PLEKHF2: variants seen among roughly 807,000 people sequenced by gnomAD.
PLEKHF2 encodes pleckstrin homology and FYVE domain containing 2.
A neutral mutation model predicts 14.7 loss-of-function variants in PLEKHF2; 4 were observed. The ratio of observed to expected loss-of-function variants is 0.27; its 90% confidence interval spans 0.13 to 0.62. The LOEUF (loss-of-function observed/expected upper bound fraction) is 0.62, where lower values mean the gene tolerates loss of function less well. Ranked by LOEUF, PLEKHF2 falls within the 20% of genes least tolerant of loss-of-function variation. PLEKHF2 has a pLI of 0.85. For synonymous variants in PLEKHF2, 90 were observed against 103.5 expected (o/e 0.87, Z 0.79); for missense variants, 201 against 307.7 (o/e 0.65, Z 2.60).
At chr8:95,134,792 T>A (rs187065623) in intron 1 of PLEKHF2, among the ~76,000 whole-genome samples, 1 of 152,292 alleles carries the variant, frequency 6.6e-6, no homozygotes, top group East Asian at 1.9e-4. Context: ...CGGTAATTCA[T>A]AGACTCACAA....
rs1459722161 is a variant in PLEKHF2 at position 95,156,243 on chromosome 8, C to G, written c.*1449C>G. 1 of 167,004 alleles carries G rather than the reference C, an allele frequency of 6.0e-6. No individual in the cohort carries two copies. Among genetic ancestry groups the G allele is most frequent in the Non-Finnish European group, 1.5e-5 (1 of 68,092 alleles). The allele number at this position is 167,004 out of a possible 1,614,324, so 10.3% of individuals were successfully genotyped here. A position where few individuals can be genotyped will look rare whatever the true frequency, so the allele number is the denominator to read the frequency against. ...TTAAATTCTAAATTTAAAAAATCTT[C>G]AAATCTGAATATACCGCAAATGTCA... On this transcript the variant is annotated 3_prime_UTR_variant, in exon 2 of 2. Transcript: ENST00000315367.
intron 1 of PLEKHF2, among the ~76,000 whole-genome samples, chr8:95,141,765 C>T (rs1587305151): frequency 2.7e-5 from 4 of 150,844 alleles, no homozygotes; most frequent in African/African-American, 9.7e-5. Context: ...GTATCGAACT[C>T]CTGACCTCAA....
At chr8:95,144,834 A>C (rs1424140028) in intron 1 of PLEKHF2, among the ~76,000 whole-genome samples, 2 of 149,270 alleles carry the variant, frequency 1.3e-5, no homozygotes, top group Non-Finnish European at 3.0e-5. Context: ...ATTGCACTTC[A>C]GCCTAGGTGA....
chr8:95,139,752 A>G (rs1810420407), intron 1 of PLEKHF2, among the ~76,000 whole-genome samples: 1 of 151,010 alleles, frequency 6.6e-6, no homozygotes, highest in African/African-American at 2.4e-5. Context: ...TCCAGGTTAA[A>G]TTTTTGTGGG....
intron 1 of PLEKHF2, among the ~76,000 whole-genome samples, chr8:95,136,122 T>C (rs1810373596): frequency 1.3e-5 from 2 of 152,222 alleles, no homozygotes; most frequent in South Asian, 4.1e-4. Flanking sequence ...CTGATTTGCC[T>C]CTTCATTCCC....
At chr8:95,139,114 T>C (rs1334293439) in intron 1 of PLEKHF2, among the ~76,000 whole-genome samples, 2 of 152,236 alleles carry the variant, frequency 1.3e-5, no homozygotes, top group Non-Finnish European at 2.9e-5. Context: ...TTAAATTTAC[T>C]GGTCATTTTC....
chr8:95,141,469 T>C lies in PLEKHF2; in HGVS notation c.-15+7439T>C, dbSNP rs184348123. On this transcript the variant is annotated intron_variant, in intron 1 of 1. Coordinates refer to ENST00000315367, the MANE Select transcript of PLEKHF2 (RefSeq NM_024613.4). Reference sequence around the variant, plus strand: ...TATTAACAAGATTTTGTGTTATTTTTCCCCCCTTTTCCCACTAAATAACTC... The same window carrying C: ...TATTAACAAGATTTTGTGTTATTTTCCCCCCCTTTTCCCACTAAATAACTC... 1.3e-3 allele frequency among the ~76,000 whole-genome samples: 201 copies of C among 152,168 alleles called. 1 individual carries two copies. Among genetic ancestry groups the C allele is most frequent in the African/African-American group, 4.3e-3 (178 of 41,512 alleles).
intron 1 of PLEKHF2, among the ~76,000 whole-genome samples, chr8:95,143,012 G>T (rs181771023): frequency 3.3e-5 from 5 of 151,964 alleles, no homozygotes; most frequent in Non-Finnish European, 5.9e-5. Context: ...ATTCAGTTCA[G>T]TGCACATTGG....
Position 95,154,958 on chromosome 8 carries a change from T to A in PLEKHF2, c.*164T>A, listed in dbSNP as rs555995844. On this transcript the variant is annotated 3_prime_UTR_variant, in exon 2 of 2. Coordinates refer to ENST00000315367, the MANE Select transcript of PLEKHF2 (RefSeq NM_024613.4). The surrounding 1 kb of genome is among the most constrained non-coding windows in gnomAD (Gnocchi z 5.6). Reference sequence around the variant, plus strand: ...ATATTCCATAGAAAGTAGGTCCCCCTGCCTTCTCCCACTCCTCACACTCTT... The same window carrying A: ...ATATTCCATAGAAAGTAGGTCCCCCAGCCTTCTCCCACTCCTCACACTCTT... The A allele has an allele frequency of 2.6e-6, 2 of 768,042 alleles. No homozygotes were observed. The highest frequency in any genetic ancestry group is 5.8e-5 in the Admixed American group (2 of 34,350). The allele number at this position is 768,042 out of a possible 1,614,324, so 47.6% of individuals were successfully genotyped here.
At chr8:95,145,753 A>G (rs1238962187) in intron 1 of PLEKHF2, among the ~76,000 whole-genome samples, 1 of 152,112 alleles carries the variant, frequency 6.6e-6, no homozygotes, top group Non-Finnish European at 1.5e-5. Context: ...TATCATCCTA[A>G]TGATTTATTG....
chr8:95,149,735 G>C (rs887042338), intron 1 of PLEKHF2, among the ~76,000 whole-genome samples: 1 of 152,090 alleles, frequency 6.6e-6, no homozygotes, highest in Non-Finnish European at 1.5e-5. Context: ...TTCTGCAAGG[G>C]GACGGGAAAG....
intron 1 of PLEKHF2, among the ~76,000 whole-genome samples, chr8:95,145,313 A>C (rs1371503487): frequency 6.6e-6 from 1 of 152,260 alleles, no homozygotes; most frequent in Non-Finnish European, 1.5e-5. Context: ...CATACTGTGT[A>C]ATCGGTTGGC....
chr8:95,134,283 G>C (rs1269953967), intron 1 of PLEKHF2: 1 of 149,452 alleles, frequency 6.7e-6, no homozygotes, highest in Non-Finnish European at 1.5e-5. Flanking sequence ...AGCGAGCCGC[G>C]CCCGCCCGTA....
chr8:95,154,773 C>T lies in PLEKHF2; in HGVS notation c.729C>T (p.Asp243=), dbSNP rs769463577. Residue 243 remains aspartate, a synonymous_variant, in exon 2 of 2, where the codon GAC becomes GAT. Coordinates refer to ENST00000315367, the MANE Select transcript of PLEKHF2 (RefSeq NM_024613.4). The surrounding 1 kb of genome is among the most constrained non-coding windows in gnomAD (Gnocchi z 5.6). ...TAAATGATATGTCTGATGATGATGACGATGATGATAGCAGTGACTAAGGAC... is the reference window on the plus strand; with the variant it reads ...TAAATGATATGTCTGATGATGATGATGATGATGATAGCAGTGACTAAGGAC... ...SPLNDMSDDD[D]DDDSSD is the part of the protein sequence containing the mutation. 46 of 1,613,660 alleles carry T rather than the reference C, an allele frequency of 2.9e-5. No homozygotes were observed. The Middle Eastern group carries it at 4.9e-4, about 17-fold the overall frequency.
intron 1 of PLEKHF2, among the ~76,000 whole-genome samples, chr8:95,145,703 C>T (rs1294941157): frequency 2.0e-5 from 3 of 152,270 alleles, no homozygotes; most frequent in African/African-American, 4.8e-5. Context: ...GGATTACAGG[C>T]GTGAGCCACT....
At chr8:95,141,599 C>T (rs937850576) in intron 1 of PLEKHF2, among the ~76,000 whole-genome samples, 2 of 152,024 alleles carry the variant, frequency 1.3e-5, no homozygotes, top group African/African-American at 4.8e-5. Flanking sequence ...GATCTTGGCT[C>T]ACTGCAACCT....
At chr8:95,149,392 T>C (rs1273663263) in intron 1 of PLEKHF2, among the ~76,000 whole-genome samples, 1 of 152,156 alleles carries the variant, frequency 6.6e-6, no homozygotes, top group East Asian at 1.9e-4. Flanking sequence ...TTATGGGCTT[T>C]CTCTTCCACT....
In PLEKHF2 at chr8:95,146,221, A is replaced by G. The variant is rs183521591; in HGVS notation, c.-14-7810A>G. 2.4e-3 allele frequency among the ~76,000 whole-genome samples: 373 copies of G among 152,320 alleles called. 2 individuals are homozygous for G. Among genetic ancestry groups the G allele is most frequent in the African/African-American group, 8.7e-3 (361 of 41,560 alleles). Reference sequence around the variant, plus strand: ...TTATTTATGTTTTCTTCTTTAAAAAAAAAGGTAAGTAATTTGTATGAAATC... The same window carrying G: ...TTATTTATGTTTTCTTCTTTAAAAAGAAAGGTAAGTAATTTGTATGAAATC... On this transcript the variant is annotated intron_variant, in intron 1 of 1. Transcript: ENST00000315367.
rs1049393666 is a variant in PLEKHF2, at chr8:95,154,669, G to C, written c.625G>C (p.Asp209His). 2.5e-6 allele frequency: 4 copies of C among 1,614,078 alleles called. No individual in the cohort carries two copies. The highest frequency in any genetic ancestry group is 3.4e-6 in the Non-Finnish European group (4 of 1,179,994). Residue 209 changes from aspartate (D) to histidine (H), a missense_variant, in exon 2 of 2, where the codon GAC becomes CAC. Coordinates refer to ENST00000315367, the MANE Select transcript of PLEKHF2 (RefSeq NM_024613.4). The surrounding 1 kb of genome is among the most constrained non-coding windows in gnomAD (Gnocchi z 5.6). ...KPVRICDFCY[D>H]LLSAGDMATC... is the part of the protein sequence containing the mutation. ...TGTGCGGATTTGTGACTTCTGCTAT[G>C]ACCTGCTTTCTGCTGGGGACATGGC...
Sources: gnomAD v4.1 joint callset for allele counts (sites outside exome capture counted in the v4.1 genomes callset) on GRCh38, gnomAD v4.1.1 for gene constraint, Gnocchi (gnomAD v3.1) non-coding constraint, MANE v1.5 for transcripts, NCBI Gene and HGNC (gene_info 2026-07-23, HGNC 2026-07-21) for gene names.